Variants in SBSPON observed in about 807,000 individuals in gnomAD.
The protein encoded by SBSPON is somatomedin B and thrombospondin type 1 domain containing.
In SBSPON, 30 loss-of-function variants were observed where a neutral mutation model predicts 35.8. That is an observed-to-expected ratio of 0.84 (90% CI 0.63 to 1.14). SBSPON has a LOEUF of 1.14. SBSPON is among the 50% of genes most tolerant of loss of function. The pLI is 0.00. For missense variants in SBSPON, 364 were observed against 357.7 expected (o/e 1.02, Z -0.14); for synonymous variants, 136 against 135.9 (o/e 1.00, Z 0.00).
At chr8:73,090,618 G>A (rs1009543773) in intron 1 of SBSPON, among the ~76,000 whole-genome samples, 6 of 152,168 alleles carry the variant, frequency 3.9e-5, no homozygotes, top group East Asian at 1.9e-4. Context: ...TCCTCCCTTC[G>A]CAAGAAACTT....
At position 73,066,143 on chromosome 8, in the gene SBSPON, T is replaced by G. The variant is rs997617987; in HGVS notation, c.*1198A>C. ...CAATTGAAACCAAAGAAATCTCATG[T>G]AGTTTACATCTCAAGACTCAATTCT... On this transcript the variant is annotated 3_prime_UTR_variant, in exon 5 of 5. Transcript: ENST00000297354. 2 of 152,224 alleles carry G rather than the reference T, an allele frequency of 1.3e-5. No homozygotes were observed. The highest frequency in any genetic ancestry group is 2.9e-5 in the Non-Finnish European group (2 of 68,036). 9.4% of individuals were successfully genotyped at this position (152,224 alleles called of 1,614,324 possible).
intron 3 of SBSPON, 30 bp downstream of exon 3, chr8:73,071,750 G>T (rs1407159969): frequency 5.0e-6 from 6 of 1,197,212 alleles, no homozygotes; most frequent in South Asian, 1.3e-5. Context: ...TGAAAAACAT[G>T]ATTAAAAAAA....
chr8:73,070,329 T>C (rs1810470121), intron 3 of SBSPON, among the ~76,000 whole-genome samples: 1 of 152,174 alleles, frequency 6.6e-6, no homozygotes, highest in African/African-American at 2.4e-5. Flanking sequence ...TCCTTGATAA[T>C]TTTGCTGATC....
chr8:73,086,222 G>A (rs894964811), intron 1 of SBSPON, among the ~76,000 whole-genome samples: 4 of 151,816 alleles, frequency 2.6e-5, no homozygotes, highest in East Asian at 1.9e-4. Flanking sequence ...GTGCAATGGC[G>A]TGATCTCGAC....
intron 2 of SBSPON, among the ~76,000 whole-genome samples, chr8:73,080,639 C>T (rs1196362742): frequency 6.6e-6 from 1 of 152,162 alleles, no homozygotes; most frequent in Non-Finnish European, 1.5e-5. Context: ...GGTGAAATAG[C>T]GTTATACTTC....
intron 1 of SBSPON, among the ~76,000 whole-genome samples, chr8:73,089,730 T>C (rs1042138235): frequency 1.3e-5 from 2 of 152,232 alleles, no homozygotes; most frequent in African/African-American, 4.8e-5. Flanking sequence ...TGAAATATTC[T>C]CCGCTGTCGA....
intron 2 of SBSPON, among the ~76,000 whole-genome samples, chr8:73,074,864 A>G (rs185110082): frequency 5.9e-5 from 9 of 152,294 alleles, no homozygotes; most frequent in African/African-American, 1.9e-4. Context: ...TTTACAAAGT[A>G]ATTTCACATC....
chr8:73,077,049 G>A (rs760756068), intron 2 of SBSPON, among the ~76,000 whole-genome samples: 1 of 152,154 alleles, frequency 6.6e-6, no homozygotes. Context: ...TAAGATTACA[G>A]GTATATGCCA....
Position 73,067,287 on chromosome 8 carries a change from C to G in SBSPON, c.*54G>C. 1 of 1,095,546 alleles carries G rather than the reference C, an allele frequency of 9.1e-7. No homozygotes were observed. The highest frequency in any genetic ancestry group is 1.4e-6 in the Non-Finnish European group (1 of 714,518). 67.9% of individuals were successfully genotyped at this position (1,095,546 alleles called of 1,614,324 possible). A position where few individuals can be genotyped will look rare whatever the true frequency, so the allele number is the denominator to read the frequency against. Reference sequence around the variant, plus strand: ...AAGGTTTAGGAAACATTGAACATGACTTGAGAATATTTAGAATGTTTACAA... The same window carrying G: ...AAGGTTTAGGAAACATTGAACATGAGTTGAGAATATTTAGAATGTTTACAA... On this transcript the variant is annotated 3_prime_UTR_variant, in exon 5 of 5. Transcript: ENST00000297354.
In SBSPON at chr8:73,089,025, A is replaced by G. The variant is rs565882233; in HGVS notation, c.214+3829T>C. Among the ~76,000 whole-genome samples, 112 of 152,330 alleles carry G rather than the reference A, an allele frequency of 7.4e-4. 1 individual carries two copies. The highest frequency in any genetic ancestry group is 6.8e-3 in the Middle Eastern group (2 of 294). ...GGATCTTAGAAAGGGAATACAGTCT[A>G]TGTACCTTATTTGGGGTGTCCCCCT... On this transcript the variant is annotated intron_variant, in intron 1 of 4. Coordinates refer to ENST00000297354, the MANE Select transcript of SBSPON (RefSeq NM_153225.4).
chr8:73,087,799 C>T (rs1034249854), intron 1 of SBSPON, among the ~76,000 whole-genome samples: 1 of 152,232 alleles, frequency 6.6e-6, no homozygotes, highest in African/African-American at 2.4e-5. Context: ...TTACCCTCTC[C>T]TTAAGCTGCC....
intron 1 of SBSPON, among the ~76,000 whole-genome samples, chr8:73,086,230 G>A (rs1013533119): frequency 2.6e-5 from 4 of 151,666 alleles, no homozygotes; most frequent in East Asian, 1.9e-4. Flanking sequence ...GCGTGATCTC[G>A]ACTCACTGCA....
At chr8:73,074,788 G>A (rs758036362) in intron 2 of SBSPON, among the ~76,000 whole-genome samples, 5 of 152,224 alleles carry the variant, frequency 3.3e-5, no homozygotes, top group African/African-American at 4.8e-5. Flanking sequence ...GGCCAGGGAG[G>A]GCACACAGTG....
At position 73,081,206 on chromosome 8, in the gene SBSPON, C is replaced by T. The variant is rs754823025; in HGVS notation, c.222G>A (p.Pro74=). ...AGGGGCTCCATTCCCCCACGAAGCA[C>T]GGGCGAGCTGAAAAACAGCACAATA... The part of the protein sequence containing the change: ...FDYDRACPAR[P]CFVGEWSPWS... Residue 74 remains proline (P), a synonymous_variant, in exon 2 of 5, where the codon CCG becomes CCA. Coordinates refer to ENST00000297354, the MANE Select transcript of SBSPON (RefSeq NM_153225.4). 8.2e-6 allele frequency: 13 copies of T among 1,579,446 alleles called. No individual in the cohort carries two copies. The highest frequency in any genetic ancestry group is 2.3e-5 in the South Asian group (2 of 85,988).
chr8:73,086,481 C>T (rs1481390973), intron 1 of SBSPON, among the ~76,000 whole-genome samples: 3 of 152,068 alleles, frequency 2.0e-5, no homozygotes, highest in Non-Finnish European at 4.4e-5. Flanking sequence ...CTTTCTTTTT[C>T]TCCATGTGTA....
intron 2 of SBSPON, among the ~76,000 whole-genome samples, chr8:73,079,514 T>TTTAA (rs1411554661): frequency 1.3e-5 from 2 of 151,776 alleles, no homozygotes; most frequent in African/African-American, 4.8e-5. Flanking sequence ...GGCCATCAGG[T>TTTAA]TTAACCACAC....
chr8:73,072,216 AGAG>A (rs1413308176), intron 2 of SBSPON, among the ~76,000 whole-genome samples: 2 of 152,278 alleles, frequency 1.3e-5, no homozygotes, highest in East Asian at 1.9e-4. Context: ...CATGAAGAGA[AGAG>A]GAGGTTTCAA....
intron 1 of SBSPON, among the ~76,000 whole-genome samples, chr8:73,086,218 T>C (rs1176714648): frequency 6.6e-6 from 1 of 152,032 alleles, no homozygotes; most frequent in Non-Finnish European, 1.5e-5. Flanking sequence ...TGGAGTGCAA[T>C]GGCGTGATCT....
Position 73,066,685 on chromosome 8 carries a change from T to G in SBSPON, c.*656A>C, listed in dbSNP as rs1377129498. ...TGAAAATTATAACATTTAAAAGAAC[T>G]CCCATTGACCTACAATGAGCATTTG... On this transcript the variant is annotated 3_prime_UTR_variant, in exon 5 of 5. Coordinates refer to ENST00000297354, the MANE Select transcript of SBSPON (RefSeq NM_153225.4). 1 of 152,116 alleles carries G rather than the reference T, an allele frequency of 6.6e-6. No individual in the cohort carries two copies. Among genetic ancestry groups the G allele is most frequent in the Non-Finnish European group, 1.5e-5 (1 of 68,034 alleles). The allele number at this position is 152,116 out of a possible 1,614,324, so 9.4% of individuals were successfully genotyped here.
Sources: allele counts gnomAD v4.1 joint callset (sites outside exome capture counted in the v4.1 genomes callset), GRCh38; gene constraint gnomAD v4.1.1; transcripts MANE v1.5; gene names NCBI Gene and HGNC (gene_info 2026-07-23, HGNC 2026-07-21).